CFAP299: variants seen among roughly 807,000 people sequenced by gnomAD.
The protein encoded by CFAP299 is cilia- and flagella-associated protein 299.
In CFAP299, 21 loss-of-function variants were observed where a neutral mutation model predicts 27.0. The ratio of observed to expected loss-of-function variants is 0.78; its 90% confidence interval spans 0.55 to 1.12. CFAP299 has a LOEUF of 1.12. CFAP299 is among the 50% of genes most tolerant of loss of function. The pLI is 0.00. For synonymous variants in CFAP299, 104 were observed against 98.1 expected, an observed-to-expected ratio of 1.06 and a Z score of -0.36; for missense variants, 310 against 276.6, an observed-to-expected ratio of 1.12 and a Z score of -0.86.
chr4:80,814,895 G>C (rs1729346414), intron 3 of CFAP299, among the ~76,000 whole-genome samples: 1 of 152,018 alleles, frequency 6.6e-6, no homozygotes, highest in East Asian at 1.9e-4. Context: ...TTCTGACCCA[G>C]ATATCAGGGA....
chr4:80,877,197 A>G (rs1733425069), intron 4 of CFAP299, among the ~76,000 whole-genome samples: 1 of 152,182 alleles, frequency 6.6e-6, no homozygotes, highest in Non-Finnish European at 1.5e-5. Flanking sequence ...CTGTGGTTCA[A>G]AAAAATTTTG....
intron 4 of CFAP299, among the ~76,000 whole-genome samples, chr4:80,906,167 T>A (rs1405879816): frequency 7.5e-6 from 1 of 132,898 alleles, no homozygotes; most frequent in African/African-American, 3.9e-5. Context: ...ATGAAGGGGC[T>A]ATAGGCCCCA....
rs1560543895 is a variant in CFAP299, at chr4:80,390,877, G to GCA, written c.242+27993_242+27994insCA. Among the ~76,000 whole-genome samples, 24 of 86,710 alleles carry GCA rather than the reference G, an allele frequency of 2.8e-4. 1 individual carries two copies. The highest frequency in any genetic ancestry group is 1.4e-3 in the South Asian group (4 of 2,834). The allele number at this position is 86,710 out of a possible 152,430, so 56.9% of individuals were successfully genotyped here. ...TGTATATGTATATGCGCACATATATGTATATATGTATATACACACATATGC... is the reference window on the plus strand; with the variant it reads ...TGTATATGTATATGCGCACATATATGCATATATATGTATATACACACATATGC... On this transcript the variant is annotated intron_variant, in intron 2 of 5. Transcript: ENST00000358105.
chr4:80,631,927 G>A (rs1337819677), intron 3 of CFAP299, among the ~76,000 whole-genome samples: 1 of 136,232 alleles, frequency 7.3e-6, no homozygotes, highest in African/African-American at 2.6e-5. Context: ...ATTAGGCAGT[G>A]AGGCATTTTG....
chr4:80,328,008 A>C, the CFAP299 span, among the ~76,000 whole-genome samples: 4 of 151,994 alleles, frequency 2.6e-5, no homozygotes, highest in Non-Finnish European at 5.9e-5. Flanking sequence ...TGCCACTGAA[A>C]GGTCAAGTAC....
intron 3 of CFAP299, among the ~76,000 whole-genome samples, chr4:80,773,291 G>C (rs1363759340): frequency 6.6e-6 from 1 of 152,090 alleles, no homozygotes; most frequent in African/African-American, 2.4e-5. Context: ...ATAAAACAGG[G>C]ACTAGATTAG....
At chr4:80,402,490 C>T (rs1378666165) in intron 2 of CFAP299, among the ~76,000 whole-genome samples, 1 of 152,126 alleles carries the variant, frequency 6.6e-6, no homozygotes, top group Non-Finnish European at 1.5e-5. Context: ...CTGTTGCCAC[C>T]ACCATGTAAG....
chr4:80,715,328 GA>G (rs1308512822), intron 3 of CFAP299, among the ~76,000 whole-genome samples: 2 of 152,064 alleles, frequency 1.3e-5, no homozygotes, highest in African/African-American at 2.4e-5. Flanking sequence ...AAGAGAGGGG[GA>G]AAAAGGACAA....
At chr4:80,475,015 G>A (rs1005960197) in intron 2 of CFAP299, among the ~76,000 whole-genome samples, 1 of 152,200 alleles carries the variant, frequency 6.6e-6, no homozygotes, top group Non-Finnish European at 1.5e-5. Context: ...TGTCAGCTGA[G>A]AGAGTGAGCC....
chr4:80,553,027 T>G (rs1359320253), intron 2 of CFAP299, among the ~76,000 whole-genome samples: 1 of 152,014 alleles, frequency 6.6e-6, no homozygotes, highest in African/African-American at 2.4e-5. Context: ...TATTTTAGAT[T>G]TGGGATACAC....
intron 2 of CFAP299, among the ~76,000 whole-genome samples, chr4:80,519,940 G>C (rs866116643): frequency 2.7e-4 from 41 of 152,226 alleles, no homozygotes; most frequent in Middle Eastern, 3.4e-3. Flanking sequence ...ATAATTTTAT[G>C]ATTCAAATGG....
chr4:80,716,759 T>A (rs1440692108), intron 3 of CFAP299, among the ~76,000 whole-genome samples: 3 of 152,116 alleles, frequency 2.0e-5, no homozygotes, highest in African/African-American at 7.2e-5. Context: ...TTTAGTTGAA[T>A]CTGAATATGT....
intron 2 of CFAP299, among the ~76,000 whole-genome samples, chr4:80,372,829 G>T (rs1189830017): frequency 6.6e-6 from 1 of 152,092 alleles, no homozygotes; most frequent in Admixed American, 6.5e-5. Flanking sequence ...AGACAAAATT[G>T]TAAATACATG....
intron 4 of CFAP299, chr4:80,870,952 G>C: frequency 6.7e-6 from 6 of 896,498 alleles, no homozygotes; most frequent in Non-Finnish European, 8.0e-6. Flanking sequence ...TGTCGCCCAG[G>C]CTGGAGTGCA....
At chr4:80,471,587 G>A (rs1729998282) in intron 2 of CFAP299, among the ~76,000 whole-genome samples, 1 of 117,734 alleles carries the variant, frequency 8.5e-6, no homozygotes, top group Non-Finnish European at 1.8e-5. Flanking sequence ...TGGGGGTGGG[G>A]GGGAGCAGGG....
chr4:80,542,379 GA>G (rs1305463397), intron 2 of CFAP299, among the ~76,000 whole-genome samples: 1 of 152,154 alleles, frequency 6.6e-6, no homozygotes, highest in African/African-American at 2.4e-5. Context: ...AGACAGACCA[GA>G]ATATCGAGTA....
intron 2 of CFAP299, among the ~76,000 whole-genome samples, chr4:80,531,885 C>T (rs1252363013): frequency 6.6e-6 from 1 of 151,642 alleles, no homozygotes; most frequent in African/African-American, 2.4e-5. Context: ...TCCCAAGTAG[C>T]TGGGATTACA....
intron 3 of CFAP299, among the ~76,000 whole-genome samples, chr4:80,699,397 A>G (rs926408403): frequency 1.3e-5 from 2 of 152,156 alleles, no homozygotes; most frequent in Non-Finnish European, 2.9e-5. Context: ...ATAACTCCCG[A>G]TCAGCTGTCA....
At chr4:80,927,071 T>C (rs1306951530) in intron 4 of CFAP299, among the ~76,000 whole-genome samples, 1 of 152,058 alleles carries the variant, frequency 6.6e-6, no homozygotes, top group East Asian at 1.9e-4. Context: ...CAGATAGACA[T>C]ACATATTTTC....
Sources: allele counts gnomAD v4.1 joint callset (sites outside exome capture counted in the v4.1 genomes callset), GRCh38; gene constraint gnomAD v4.1.1; transcripts MANE v1.5; gene names NCBI Gene and HGNC (gene_info 2026-07-23, HGNC 2026-07-21).